The following CNTN4 variants were observed in gnomAD, a reference collection of about 807,000 sequenced individuals.
CNTN4 encodes the protein contactin 4.
A neutral mutation model predicts 122.5 loss-of-function variants in CNTN4; 77 were observed. That is an observed-to-expected ratio of 0.63 (90% CI 0.52 to 0.76). The LOEUF (loss-of-function observed/expected upper bound fraction) is 0.76. Ranked by LOEUF, CNTN4 falls within the 30% of genes least tolerant of loss-of-function variation. The pLI, the probability that CNTN4 is intolerant of heterozygous loss-of-function variation, is 0.00. For synonymous variants in CNTN4, 512 were observed against 447.0 expected, an observed-to-expected ratio of 1.15 and a Z score of -1.83; for missense variants, 1,256 against 1,259.1, an observed-to-expected ratio of 1.00 and a Z score of 0.04.
At chr3:2,290,487 G>A in intron 2 of CNTN4, among the ~76,000 whole-genome samples, 1 of 152,286 alleles carries the variant, frequency 6.6e-6, no homozygotes, top group Admixed American at 6.5e-5. Context: ...AATCATTAAC[G>A]ATGATGGTGA....
rs2087022975 is a variant in CNTN4, at chr3:2,709,976, C to T, written c.56-26239C>T. On this transcript the variant is annotated intron_variant, in intron 4 of 24. Transcript: ENST00000418658. This position sits in a 1 kb window ranked among gnomAD's most constrained non-coding sequence, Gnocchi z 5.0. ...CCACACTTAATGCTTATTGCTGAAA[C>T]CCTCCTTTGTTAACATTTTAAATTG... is the stretch of plus-strand genomic sequence containing the variant. 6.6e-6 allele frequency among the ~76,000 whole-genome samples: 1 copy of T among 152,068 alleles called. No homozygotes were observed. Among genetic ancestry groups the T allele is most frequent in the South Asian group, 2.1e-4 (1 of 4,816 alleles).
intron 3 of CNTN4, among the ~76,000 whole-genome samples, chr3:2,436,908 T>C (rs1376384202): frequency 1.3e-5 from 2 of 151,580 alleles, no homozygotes; most frequent in Middle Eastern, 3.4e-3. Context: ...AAATAAAATA[T>C]ATGTATTAAG....
chr3:2,428,885 T>C (rs892181529), intron 3 of CNTN4, among the ~76,000 whole-genome samples: 2 of 152,248 alleles, frequency 1.3e-5, no homozygotes, highest in African/African-American at 4.8e-5. Flanking sequence ...AGCTTATGCA[T>C]GCATCAGGTA....
intron 4 of CNTN4, among the ~76,000 whole-genome samples, chr3:2,579,724 A>G (rs1251569018): frequency 6.6e-6 from 1 of 152,232 alleles, no homozygotes; most frequent in East Asian, 1.9e-4. Context: ...TGTGGGAACT[A>G]TGTTTAACTT....
At chr3:2,647,204 G>C (rs1274243813) in intron 4 of CNTN4, among the ~76,000 whole-genome samples, 1 of 151,926 alleles carries the variant, frequency 6.6e-6, no homozygotes, top group Non-Finnish European at 1.5e-5. Context: ...AACATGGTGA[G>C]ACCCCGTCCC....
chr3:2,344,986 G>A (rs530803596), intron 3 of CNTN4, among the ~76,000 whole-genome samples: 1 of 152,264 alleles, frequency 6.6e-6, no homozygotes, highest in African/African-American at 2.4e-5. Flanking sequence ...TGATGTCAGG[G>A]AAATAGTTGA....
intron 3 of CNTN4, among the ~76,000 whole-genome samples, chr3:2,382,014 CA>C (rs1373373373): frequency 3.3e-5 from 5 of 152,156 alleles, no homozygotes; most frequent in African/African-American, 1.2e-4. Flanking sequence ...CATTCACACA[CA>C]AAAAATAATT....
chr3:2,705,652 G>A (rs1251948028), intron 4 of CNTN4, among the ~76,000 whole-genome samples: 3 of 65,186 alleles, frequency 4.6e-5, no homozygotes, highest in African/African-American at 6.8e-5. Flanking sequence ...TATATAAAAA[G>A]TATATTATAT....
In CNTN4 at chr3:2,471,960, A is replaced by G. The variant is rs186720070; in HGVS notation, c.-88-99456A>G. On this transcript the variant is annotated intron_variant, in intron 3 of 24. Coordinates refer to ENST00000418658, the MANE Select transcript of CNTN4 (RefSeq NM_175607.3). ...GAGTAATTTTGACATCAAGAATCCC[A>G]TAGATGTGAAGTATTTCTCAAGCTA... Among the ~76,000 whole-genome samples, 477 of 152,250 alleles carry G rather than the reference A, an allele frequency of 3.1e-3. 2 individuals carry two copies. The highest frequency in any genetic ancestry group is 5.8e-3 in the Non-Finnish European group (393 of 68,018).
intron 2 of CNTN4, among the ~76,000 whole-genome samples, chr3:2,278,601 G>C (rs2041606747): frequency 6.6e-6 from 1 of 152,198 alleles, no homozygotes; most frequent in African/African-American, 2.4e-5. Context: ...ACTTTTGTAA[G>C]TTTTTATGCT....
rs564676102 is a variant in CNTN4 at position 2,694,871 on chromosome 3, G to A, written c.56-41344G>A. On this transcript the variant is annotated intron_variant, in intron 4 of 24. Transcript: ENST00000418658. ...TAGTTTGAGGAGTAGACCTCACAAC[G>A]TTTGTTTTTGTATTAGTATACTTCA... Among the ~76,000 whole-genome samples, 11 of 152,214 alleles carry A rather than the reference G, an allele frequency of 7.2e-5. No homozygotes were observed. The South Asian group carries it at 8.3e-4, about 11-fold the overall frequency.
At chr3:2,425,475 C>G (rs1338806618) in intron 3 of CNTN4, among the ~76,000 whole-genome samples, 1 of 152,078 alleles carries the variant, frequency 6.6e-6, no homozygotes, top group Non-Finnish European at 1.5e-5. Context: ...TTACTGTAGC[C>G]TTGTAGTATA....
At chr3:2,852,954 G>T (rs534482284) in intron 7 of CNTN4, among the ~76,000 whole-genome samples, 1 of 152,282 alleles carries the variant, frequency 6.6e-6, no homozygotes, top group African/African-American at 2.4e-5. Flanking sequence ...TCATTGGGAA[G>T]AATCCACCAT....
At chr3:2,260,610 A>G (rs921765008) in intron 2 of CNTN4, among the ~76,000 whole-genome samples, 10 of 152,260 alleles carry the variant, frequency 6.6e-5, no homozygotes, top group East Asian at 5.8e-4. Context: ...GATTCCTGCT[A>G]TAAATTTCTT....
At chr3:2,408,699 C>T (rs1220328005) in intron 3 of CNTN4, among the ~76,000 whole-genome samples, 1 of 152,058 alleles carries the variant, frequency 6.6e-6, no homozygotes, top group Non-Finnish European at 1.5e-5. Flanking sequence ...TCTCATAACT[C>T]CTCCTCATGA....
intron 6 of CNTN4, among the ~76,000 whole-genome samples, chr3:2,785,453 A>G (rs1468126879): frequency 1.3e-5 from 2 of 152,188 alleles, no homozygotes; most frequent in Non-Finnish European, 2.9e-5. Context: ...GTTGGGGGGC[A>G]GTCTACCTTG....
intron 3 of CNTN4, among the ~76,000 whole-genome samples, chr3:2,516,798 T>C (rs1040729884): frequency 3.9e-5 from 6 of 152,162 alleles, no homozygotes; most frequent in African/African-American, 1.4e-4. Context: ...TCTGAAGATA[T>C]GGCAGAATTT....
chr3:2,534,793 T>C (rs1268629517), intron 3 of CNTN4, among the ~76,000 whole-genome samples: 1 of 106,766 alleles, frequency 9.4e-6, no homozygotes, highest in Non-Finnish European at 2.2e-5. Context: ...TCTTGAGGAC[T>C]GGCACACCAA....
chr3:2,427,695 G>T (rs2047894666), intron 3 of CNTN4, among the ~76,000 whole-genome samples: 1 of 150,322 alleles, frequency 6.7e-6, no homozygotes, highest in South Asian at 2.1e-4. Flanking sequence ...CATTATTATT[G>T]TGTGGATGTC....
Sources: allele counts gnomAD v4.1 joint callset (sites outside exome capture counted in the v4.1 genomes callset), GRCh38; gene constraint gnomAD v4.1.1; non-coding constraint Gnocchi (gnomAD v3.1); transcripts MANE v1.5; gene names NCBI Gene and HGNC (gene_info 2026-07-23, HGNC 2026-07-21).